BCL9: variants seen among roughly 807,000 people sequenced by gnomAD.
The protein encoded by BCL9 is B-cell CLL/lymphoma 9 protein.
In BCL9, 25 loss-of-function variants were observed where a neutral mutation model predicts 88.5. The observed-to-expected ratio is 0.28, with a 90% CI of 0.21 to 0.39. BCL9 has a LOEUF of 0.39. Ranked by LOEUF, BCL9 falls within the 10% of genes least tolerant of loss-of-function variation. The pLI, the probability that BCL9 is intolerant of heterozygous loss-of-function variation, is 1.00. For synonymous variants in BCL9, 711 were observed against 673.3 expected (o/e 1.06, Z -0.87); for missense variants, 1,817 against 1,877.8 (o/e 0.97, Z 0.60).
chr1:147,598,429 T>TG (rs1390625603), intron 1 of BCL9, among the ~76,000 whole-genome samples: 25 of 152,232 alleles, frequency 1.6e-4, no homozygotes, highest in Non-Finnish European at 2.9e-5. Flanking sequence ...TATGGTAACT[T>TG]ACGTTGACCA....
At chr1:147,576,588 G>A (rs1346698646) in intron 1 of BCL9, among the ~76,000 whole-genome samples, 1 of 152,168 alleles carries the variant, frequency 6.6e-6, no homozygotes, top group African/African-American at 2.4e-5. Context: ...ACTAATGAAG[G>A]AGAAATGCTG....
chr1:147,546,710 G>A (rs1553194279), intron 1 of BCL9, among the ~76,000 whole-genome samples: 1 of 152,124 alleles, frequency 6.6e-6, no homozygotes, highest in African/African-American at 2.4e-5. Context: ...AAGGGTAGTG[G>A]GTTTTGTGGA....
intron 1 of BCL9, among the ~76,000 whole-genome samples, chr1:147,595,088 C>T (rs587696614): frequency 6.6e-5 from 10 of 152,188 alleles, no homozygotes; most frequent in South Asian, 6.2e-4. Context: ...AAAATGATAG[C>T]GGCAACAATG....
chr1:147,580,600 A>G (rs1343713383), intron 1 of BCL9, among the ~76,000 whole-genome samples: 1 of 152,226 alleles, frequency 6.6e-6, no homozygotes, highest in African/African-American at 2.4e-5. Flanking sequence ...CTCCATTTCT[A>G]AATCCATTGT....
Position 147,613,255 on chromosome 1 carries a change from C to A in BCL9, c.370+56C>A, listed in dbSNP as rs1351053919. On this transcript the variant is annotated intron_variant, in intron 5 of 9. Coordinates refer to ENST00000234739, the MANE Select transcript of BCL9 (RefSeq NM_004326.4). The stretch of plus-strand genomic sequence containing the variant: ...GGAAGTAGGTGTTCCTGAGGGAAGG[C>A]CTCTGACATTCGACAGAGGCCAGAG... The A allele has an allele frequency of 1.0e-5, 16 of 1,586,506 alleles. No individual in the cohort carries two copies. The South Asian group carries it at 1.7e-4, about 16-fold the overall frequency.
rs189027337 is a variant in BCL9, at chr1:147,600,611, G to C, written c.-477-4166G>C. On this transcript the variant is annotated intron_variant, in intron 1 of 9. Transcript: ENST00000234739. ...TTTCAAAGGTTGTGTCCCAAGCAGT[G>C]CTTGGAGAGGTTAAACCAGGAGAGT... Among the ~76,000 whole-genome samples the C allele has an allele frequency of 3.8e-3, 578 of 152,140 alleles. 3 individuals carry two copies. The highest frequency in any genetic ancestry group is 0.013 in the African/African-American group (530 of 41,490).
rs1657232481 is a variant in BCL9 at position 147,599,500 on chromosome 1, C to G, written c.-477-5277C>G. Among the ~76,000 whole-genome samples, 3 of 151,600 alleles carry G rather than the reference C, an allele frequency of 2.0e-5. No homozygotes were observed. In the South Asian group the frequency reaches 6.2e-4, roughly 32 times the overall value. ...GCGCCTTTCCTGGCCCCCCGCCCCCCTCGGTTGCTCCCAGGACTGCGCGAG... is the reference window on the plus strand; with the variant it reads ...GCGCCTTTCCTGGCCCCCCGCCCCCGTCGGTTGCTCCCAGGACTGCGCGAG... On this transcript the variant is annotated intron_variant, in intron 1 of 9. Coordinates refer to ENST00000234739, the MANE Select transcript of BCL9 (RefSeq NM_004326.4).
At chr1:147,605,695 T>C (rs1657663393) in intron 2 of BCL9, among the ~76,000 whole-genome samples, 1 of 152,184 alleles carries the variant, frequency 6.6e-6, no homozygotes, top group Non-Finnish European at 1.5e-5. Flanking sequence ...AAAGATTGGT[T>C]TTTCCTATTG....
At chr1:147,556,464 T>G (rs999778702) in intron 1 of BCL9, among the ~76,000 whole-genome samples, 16 of 151,864 alleles carry the variant, frequency 1.1e-4, no homozygotes, top group African/African-American at 3.9e-4. Flanking sequence ...TTTATTTTTA[T>G]TTTTTGAGAC....
chr1:147,569,011 A>T (rs1471469363), intron 1 of BCL9, among the ~76,000 whole-genome samples: 2 of 152,040 alleles, frequency 1.3e-5, no homozygotes, highest in African/African-American at 2.4e-5. Context: ...AAGCAGTCCA[A>T]TATAAAGTGA....
In BCL9 at chr1:147,624,980, C is replaced by T. The variant is rs782434349; in HGVS notation, c.*21C>T. The T allele has an allele frequency of 1.1e-5, 18 of 1,587,934 alleles. No homozygotes were observed. The highest frequency in any genetic ancestry group is 6.7e-5 in the African/African-American group (5 of 74,424). On this transcript the variant is annotated 3_prime_UTR_variant, in exon 10 of 10. Coordinates refer to ENST00000234739, the MANE Select transcript of BCL9 (RefSeq NM_004326.4). This position sits in a 1 kb window ranked among gnomAD's most constrained non-coding sequence, Gnocchi z 4.4. ...TTTAAGCTGCTAAGATGGGATGTGC[C>T]GATCCTTGTCAAGATGAGATTCCAG...
rs1553202652 is a variant in BCL9 at position 147,611,901 on chromosome 1, G to A, written c.53+12G>A. 6.2e-7 allele frequency: 1 copy of A among 1,613,390 alleles called. No individual in the cohort carries two copies. The highest frequency in any genetic ancestry group is 8.5e-7 in the Non-Finnish European group (1 of 1,179,292). On this transcript the variant is annotated intron_variant, in intron 4 of 9. Coordinates refer to ENST00000234739, the MANE Select transcript of BCL9 (RefSeq NM_004326.4). ...GGAAACACACAGAGGTAAGGGCTGG[G>A]CTGGGGCCTCTTCCTGCAGCCCCTT...
At chr1:147,591,657 C>CCA (rs1553199920) in intron 1 of BCL9, among the ~76,000 whole-genome samples, 1 of 152,150 alleles carries the variant, frequency 6.6e-6, no homozygotes, top group Non-Finnish European at 1.5e-5. Context: ...GATTCACTGC[C>CCA]CACACATATG....
Position 147,623,996 on chromosome 1 carries a change from G to A in BCL9, c.3318G>A (p.Gly1106=), listed in dbSNP as rs1423629849. 1.2e-6 allele frequency: 2 copies of A among 1,614,146 alleles called. No homozygotes were observed. Among genetic ancestry groups the A allele is most frequent in the East Asian group, 4.5e-5 (2 of 44,878 alleles). The stretch of plus-strand genomic sequence containing the variant: ...TGGGACCCAACATACCTCCTCATGG[G>A]GTCCCAATGGGGCCTGGCTTGATGT... ...NAVGPNIPPH[G]VPMGPGLMSH... is the part of the protein sequence containing the mutation. The change falls in exon 10 of 10, where the codon GGG becomes GGA. Residue 1106 remains glycine (G), a synonymous_variant. Coordinates refer to ENST00000234739, the MANE Select transcript of BCL9 (RefSeq NM_004326.4).
In BCL9 at chr1:147,620,822, A is replaced by G. The variant is rs1658594660; in HGVS notation, c.2667A>G (p.Pro889=). 6.2e-7 allele frequency: 1 copy of G among 1,614,094 alleles called. No individual in the cohort carries two copies. Among genetic ancestry groups the G allele is most frequent in the Middle Eastern group, 1.6e-4 (1 of 6,062 alleles). ...PSGNLKSPQT[P]SQLAGMLAGP... is the part of the protein sequence containing the mutation. The stretch of plus-strand genomic sequence containing the variant: ...GGAACCTCAAGTCCCCCCAGACTCC[A>G]TCGCAGCTGGCAGGCATGCTGGCGG... Residue 889 remains proline (P), a synonymous_variant, in exon 8 of 10, where the codon CCA becomes CCG. Coordinates refer to ENST00000234739, the MANE Select transcript of BCL9 (RefSeq NM_004326.4).
chr1:147,547,488 C>G (rs1654660109), intron 1 of BCL9, among the ~76,000 whole-genome samples: 1 of 152,148 alleles, frequency 6.6e-6, no homozygotes, highest in Non-Finnish European at 1.5e-5. Context: ...GAAACCAGTT[C>G]AAGGTTGCTT....
intron 7 of BCL9, among the ~76,000 whole-genome samples, chr1:147,617,623 T>A (rs1395679450): frequency 6.6e-6 from 1 of 152,258 alleles, no homozygotes; most frequent in African/African-American, 2.4e-5. Flanking sequence ...CTCAAAGATA[T>A]GTTTTCATGT....
chr1:147,619,146 C>T lies in BCL9; in HGVS notation c.991C>T (p.Pro331Ser). 1.9e-6 allele frequency: 3 copies of T among 1,613,416 alleles called. No homozygotes were observed. Among genetic ancestry groups the T allele is most frequent in the Non-Finnish European group, 2.5e-6 (3 of 1,179,638 alleles). Residue 331 changes from proline to serine, a missense_variant, in exon 8 of 10, where the codon CCT (proline) becomes TCT (serine). Transcript: ENST00000234739. This position sits in a 1 kb window ranked among gnomAD's most constrained non-coding sequence, Gnocchi z 4.1. ...TAGCTCTTCAGCAGATCCCAAAGCC[C>T]CTCCGCCTCCACCAGTGTCCAGTGG... ...SNSSSADPKA[P>S]PPPPVSSGEP... is the part of the protein sequence containing the mutation.
intron 1 of BCL9, among the ~76,000 whole-genome samples, chr1:147,572,664 C>T (rs1655937694): frequency 1.3e-5 from 2 of 152,254 alleles, no homozygotes; most frequent in South Asian, 4.1e-4. Flanking sequence ...ATTGCCACCT[C>T]TGCCTCCTGG....
Sources: gnomAD v4.1 joint callset for allele counts (sites outside exome capture counted in the v4.1 genomes callset) on GRCh38, gnomAD v4.1.1 for gene constraint, Gnocchi (gnomAD v3.1) non-coding constraint, MANE v1.5 for transcripts, NCBI Gene and HGNC (gene_info 2026-07-23, HGNC 2026-07-21) for gene names.